C2CD5: variants seen among roughly 807,000 people sequenced by gnomAD.
The protein encoded by C2CD5 is C2 domain-containing protein 5.
Under a neutral mutation model 130.3 loss-of-function variants are expected in C2CD5, and 109 were observed. The observed-to-expected ratio is 0.84, with a 90% CI of 0.72 to 0.98. C2CD5 has a LOEUF of 0.98. Ranked by LOEUF, C2CD5 falls within the 50% of genes least tolerant of loss-of-function variation. C2CD5 has a pLI of 0.00. For synonymous variants in C2CD5, 454 were observed against 429.2 expected, an observed-to-expected ratio of 1.06 and a Z score of -0.71; for missense variants, 996 against 1,261.8, an observed-to-expected ratio of 0.79 and a Z score of 3.19.
intron 22 of C2CD5, among the ~76,000 whole-genome samples, chr12:22,464,747 A>T (rs188590795): frequency 3.3e-5 from 5 of 152,308 alleles, no homozygotes; most frequent in Admixed American, 6.5e-5. Context: ...GTGACAAAAT[A>T]TATTTTTTAA....
intron 10 of C2CD5, among the ~76,000 whole-genome samples, chr12:22,494,390 C>A (rs1041553024): frequency 3.9e-5 from 6 of 151,976 alleles, no homozygotes; most frequent in African/African-American, 1.4e-4. Context: ...CAGTATATAT[C>A]CAATTTTCAA....
intron 8 of C2CD5, among the ~76,000 whole-genome samples, chr12:22,516,980 G>A (rs1949787719): frequency 6.6e-6 from 1 of 151,812 alleles, no homozygotes; most frequent in Non-Finnish European, 1.5e-5. Flanking sequence ...GAAAACAGGT[G>A]TTTATAATTA....
At chr12:22,536,242 C>CA (rs994150958) in intron 2 of C2CD5, among the ~76,000 whole-genome samples, 1 of 151,942 alleles carries the variant, frequency 6.6e-6, no homozygotes, top group African/African-American at 2.4e-5. Flanking sequence ...ATGGCCACTA[C>CA]AAACAGCAGA....
At chr12:22,469,519 A>C (rs1942672057) in intron 22 of C2CD5, among the ~76,000 whole-genome samples, 190 bp downstream of exon 22, 1 of 152,158 alleles carries the variant, frequency 6.6e-6, no homozygotes, top group Non-Finnish European at 1.5e-5. Context: ...ATAACTTAGA[A>C]TGAAATTACT....
chr12:22,450,346 G>A (rs1374472805), intron 26 of C2CD5, among the ~76,000 whole-genome samples: 1 of 151,974 alleles, frequency 6.6e-6, no homozygotes, highest in Non-Finnish European at 1.5e-5. Flanking sequence ...GAGAAATCTT[G>A]GACATGTATG....
At chr12:22,517,142 C>T (rs929607847) in intron 8 of C2CD5, among the ~76,000 whole-genome samples, 2 of 151,712 alleles carry the variant, frequency 1.3e-5, no homozygotes, top group Non-Finnish European at 2.9e-5. Context: ...AATTTCTTTT[C>T]TAACATACAT....
intron 24 of C2CD5, among the ~76,000 whole-genome samples, chr12:22,458,121 A>AGAGGG (rs1940332730): frequency 1.3e-5 from 2 of 152,142 alleles, no homozygotes; most frequent in Admixed American, 1.3e-4. Flanking sequence ...TCTGCATATC[A>AGAGGG]CACTTAATAA....
At position 22,518,033 on chromosome 12, in the gene C2CD5, C is replaced by T. The variant is rs770021740; in HGVS notation, c.905G>A (p.Arg302Gln). The T allele has an allele frequency of 9.3e-6, 15 of 1,613,670 alleles. No individual in the cohort carries two copies. The highest frequency in any genetic ancestry group is 1.7e-5 in the Admixed American group (1 of 59,952). Residue 302 changes from arginine to glutamine, a missense_variant, in exon 8 of 27, where the codon CGA (arginine) becomes CAA (glutamine). Around this residue, in one of 9 missense-constraint regions of C2CD5, gnomAD observed 156 missense variants for 165.9 expected, o/e 0.94. Transcript: ENST00000446597. ...ATCTGTGTCAGAAGAAGAGGACTGT[C>T]GACTGTAGGACTTGGAAGGTGAAAA... is the stretch of plus-strand genomic sequence containing the variant. ...YSFSPSKSYS[R>Q]QSSSSDTDLS...
At chr12:22,538,167 C>T (rs1272658931) in intron 2 of C2CD5, among the ~76,000 whole-genome samples, 1 of 152,138 alleles carries the variant, frequency 6.6e-6, no homozygotes, top group African/African-American at 2.4e-5. Context: ...AGGCTAAGAC[C>T]TCTTCTTTGT....
intron 10 of C2CD5, among the ~76,000 whole-genome samples, chr12:22,505,333 C>T (rs1948385855): frequency 6.8e-6 from 1 of 147,650 alleles, no homozygotes; most frequent in African/African-American, 2.5e-5. Context: ...TCTCGGCTCA[C>T]TGCAACCTCC....
chr12:22,477,039 T>C (rs1461352919), intron 15 of C2CD5, among the ~76,000 whole-genome samples: 2 of 152,160 alleles, frequency 1.3e-5, no homozygotes, highest in African/African-American at 4.8e-5. Flanking sequence ...GCATTCATTT[T>C]AAAGAAGCCC....
chr12:22,494,604 C>G (rs1452480163), intron 10 of C2CD5, among the ~76,000 whole-genome samples: 1 of 151,988 alleles, frequency 6.6e-6, no homozygotes, highest in Non-Finnish European at 1.5e-5. Flanking sequence ...CCAGCCAGTT[C>G]TTGAATTAAA....
At chr12:22,476,055 C>G (rs1943799109) in intron 15 of C2CD5, among the ~76,000 whole-genome samples, 1 of 152,098 alleles carries the variant, frequency 6.6e-6, no homozygotes, top group Admixed American at 6.6e-5. Flanking sequence ...TTAATATGTT[C>G]TAGATTCATA....
intron 22 of C2CD5, among the ~76,000 whole-genome samples, chr12:22,468,724 C>T (rs538594014): frequency 6.6e-6 from 1 of 152,268 alleles, no homozygotes; most frequent in Non-Finnish European, 1.5e-5. Flanking sequence ...TTACAAAGTT[C>T]AGAATCTGGA....
At chr12:22,492,400 G>GA (rs1946467045) in intron 11 of C2CD5, among the ~76,000 whole-genome samples, 1 of 152,134 alleles carries the variant, frequency 6.6e-6, no homozygotes, top group Non-Finnish European at 1.5e-5. Context: ...GATATTGGTA[G>GA]AAAAACGTTA....
At chr12:22,495,267 A>G (rs1490831951) in intron 10 of C2CD5, among the ~76,000 whole-genome samples, 2 of 152,082 alleles carry the variant, frequency 1.3e-5, no homozygotes, top group African/African-American at 4.8e-5. Flanking sequence ...CATCTGTACC[A>G]CAAGTAATAC....
chr12:22,523,381 A>G lies in C2CD5; in HGVS notation c.800+45T>C, dbSNP rs370854652. The G allele has an allele frequency of 2.7e-6, 4 of 1,473,800 alleles. 1 individual carries two copies. In the African/African-American group the frequency reaches 5.6e-5, roughly 20 times the overall value. The allele number at this position is 1,473,800 out of a possible 1,614,324, so 91.3% of individuals were successfully genotyped here. ...AAATCAAATGAAAAAGCATAGATAA[A>G]AGATAAAAATCTTAGCAAGAACAAT... On this transcript the variant is annotated intron_variant, in intron 7 of 26. Transcript: ENST00000446597.
At chr12:22,456,269 C>CTGAGGATGTCA (rs1939831244) in intron 25 of C2CD5, among the ~76,000 whole-genome samples, 1 of 152,178 alleles carries the variant, frequency 6.6e-6, no homozygotes, top group Non-Finnish European at 1.5e-5. Flanking sequence ...TTGGATGTCA[C>CTGAGGATGTCA]ACCTCAGTAA....
chr12:22,476,121 C>T (rs182156248), intron 15 of C2CD5, among the ~76,000 whole-genome samples: 12 of 152,144 alleles, frequency 7.9e-5, no homozygotes, highest in African/African-American at 2.9e-4. Flanking sequence ...TATTTTGATA[C>T]CTTTGATTAT....
Sources: gnomAD v4.1 joint callset for allele counts (sites outside exome capture counted in the v4.1 genomes callset) on GRCh38, gnomAD v4.1.1 for gene constraint, gnomAD v4.1.1 regional missense constraint, MANE v1.5 for transcripts, NCBI Gene and HGNC (gene_info 2026-07-23, HGNC 2026-07-21) for gene names.